Variants in MAPK8IP3 observed in about 807,000 individuals in gnomAD.
MAPK8IP3 encodes C-Jun-amino-terminal kinase-interacting protein 3.
Under a neutral mutation model 157.8 loss-of-function variants are expected in MAPK8IP3, and 49 were observed. The observed-to-expected ratio is 0.31, with a 90% confidence interval of 0.25 to 0.39. MAPK8IP3 has a LOEUF of 0.39. Ranked by LOEUF, MAPK8IP3 falls within the 10% of genes least tolerant of loss-of-function variation. The pLI, the probability that MAPK8IP3 is intolerant of heterozygous loss-of-function variation, is 1.00. For missense variants in MAPK8IP3, 1,478 were observed against 1,889.4 expected (o/e 0.78, Z 4.04); for synonymous variants, 897 against 777.7 (o/e 1.15, Z -2.55).
intron 1 of MAPK8IP3, among the ~76,000 whole-genome samples, chr16:1,709,852 A>G (rs17135500): frequency 0.11 from 17,500 of 152,186 alleles, 1,376 homozygotes; most frequent in African/African-American, 0.22. Context: ...TGACATGTGA[A>G]TATTAGTGGT....
rs763944126 is a variant in MAPK8IP3, at chr16:1,761,289, A to G, written c.1523A>G (p.Tyr508Cys). 3.1e-6 allele frequency: 5 copies of G among 1,613,386 alleles called. No homozygotes were observed. The East Asian group carries it at 6.7e-5, about 22-fold the overall frequency. Residue 508 changes from tyrosine to cysteine, a missense_variant, in exon 13 of 32, where the codon TAT (tyrosine) becomes TGT (cysteine). Around this residue, in one of 11 missense-constraint regions of MAPK8IP3, gnomAD observed 96 missense variants for 106.3 expected, o/e 0.90. Transcript: ENST00000610761. ...PKEEAEDVSS[Y>C]LCTESDKIPM... ...GAAGAGGCGGAGGATGTAAGCAGCTATCTCTGTACAGAATCGGTACATCCA... is the reference window on the plus strand; with the variant it reads ...GAAGAGGCGGAGGATGTAAGCAGCTGTCTCTGTACAGAATCGGTACATCCA...
At position 1,742,849 on chromosome 16, in the gene MAPK8IP3, G is replaced by A. The variant is rs1480126687; in HGVS notation, c.603-483G>A. ...GTTTAAAATTGAACTTAGGCCGGGC[G>A]CGGTGGCTCACGCCTGTAATCCCAG... On this transcript the variant is annotated intron_variant, in intron 4 of 31. Coordinates refer to ENST00000610761, the MANE Select transcript of MAPK8IP3 (RefSeq NM_001318852.2). This position sits in a 1 kb window ranked among gnomAD's most constrained non-coding sequence, Gnocchi z 5.0. Among the ~76,000 whole-genome samples the A allele has an allele frequency of 2.0e-5, 3 of 152,162 alleles. No homozygotes were observed. Among genetic ancestry groups the A allele is most frequent in the Admixed American group, 2.0e-4 (3 of 15,278 alleles).
chr16:1,706,387 G>A lies in MAPK8IP3; in HGVS notation c.48G>A (p.Gln16=), dbSNP rs2037387594. ...AGGGCGGCGGCGTGGTGGTGTACCAGGACGACTACTGCTCCGGCTCGGTGA... is the reference window on the plus strand; with the variant it reads ...AGGGCGGCGGCGTGGTGGTGTACCAAGACGACTACTGCTCCGGCTCGGTGA... The part of the protein sequence containing the change: ...MDEGGGVVVY[Q]DDYCSGSVMS... Residue 16 remains glutamine, a synonymous_variant, in exon 1 of 32, where the codon CAG becomes CAA. Coordinates refer to ENST00000610761, the MANE Select transcript of MAPK8IP3 (RefSeq NM_001318852.2). This position sits in a 1 kb window ranked among gnomAD's most constrained non-coding sequence, Gnocchi z 5.1. 4.3e-6 allele frequency: 7 copies of A among 1,612,266 alleles called. No homozygotes were observed. Among genetic ancestry groups the A allele is most frequent in the African/African-American group, 1.3e-5 (1 of 74,906 alleles).
chr16:1,727,625 G>A (rs917124367), intron 2 of MAPK8IP3, among the ~76,000 whole-genome samples: 4 of 152,118 alleles, frequency 2.6e-5, no homozygotes, highest in African/African-American at 9.7e-5. Flanking sequence ...TGCATGTGAG[G>A]TGCTGTATCT....
chr16:1,760,416 C>T lies in MAPK8IP3; in HGVS notation c.1341C>T (p.Ala447=). 2 of 1,613,782 alleles carry T rather than the reference C, an allele frequency of 1.2e-6. No individual in the cohort carries two copies. Among genetic ancestry groups the T allele is most frequent in the Non-Finnish European group, 1.7e-6 (2 of 1,179,788 alleles). The change falls in exon 12 of 32, where the codon GCC becomes GCT. Residue 447 remains alanine (A), a synonymous_variant. Coordinates refer to ENST00000610761, the MANE Select transcript of MAPK8IP3 (RefSeq NM_001318852.2). ...ATGTGGTGAAGAATGACCTGATTGC[C>T]AAGGTCGACCAGCTGTCCGGGGAGC... is the stretch of plus-strand genomic sequence containing the variant. ...ALNVVKNDLI[A]KVDQLSGEQE...
chr16:1,740,336 T>C (rs529427531), intron 4 of MAPK8IP3, among the ~76,000 whole-genome samples: 50 of 132,818 alleles, frequency 3.8e-4, no homozygotes, highest in African/African-American at 1.3e-3. Flanking sequence ...GTAGGCGTCC[T>C]TGTGAGCCTC....
intron 20 of MAPK8IP3, 91 bp from the exon 21 acceptor site, chr16:1,765,869 C>G: frequency 1.6e-6 from 2 of 1,235,508 alleles, no homozygotes; most frequent in Non-Finnish European, 2.3e-6. Context: ...GAAGGCCAGC[C>G]CCGGCTTCCT....
At chr16:1,738,853 GTGAGCGTC>G (rs2040340139) in intron 4 of MAPK8IP3, among the ~76,000 whole-genome samples, 1 of 99,322 alleles carries the variant, frequency 1.0e-5, no homozygotes, top group Admixed American at 9.0e-5. Flanking sequence ...GTGTGAGCGT[GTGAGCGTC>G]CGTGTGAGTG....
At chr16:1,716,426 T>C (rs1206907655) in intron 1 of MAPK8IP3, among the ~76,000 whole-genome samples, 1 of 151,044 alleles carries the variant, frequency 6.6e-6, no homozygotes, top group African/African-American at 2.4e-5. Context: ...GCCTCCTGAG[T>C]AGCTGGGATT....
At position 1,743,354 on chromosome 16, in the gene MAPK8IP3, C is replaced by A; in HGVS notation, c.625C>A (p.Leu209Met). The A allele has an allele frequency of 6.3e-7, 1 of 1,575,106 alleles. No individual in the cohort carries two copies. Among genetic ancestry groups the A allele is most frequent in the Non-Finnish European group, 8.6e-7 (1 of 1,164,316 alleles). The change falls in exon 5 of 32, where the codon CTG (leucine) becomes ATG (methionine). Residue 209 changes from leucine to methionine, a missense_variant. By Grantham distance (15) the Leu-to-Met change is conservative. Coordinates refer to ENST00000610761, the MANE Select transcript of MAPK8IP3 (RefSeq NM_001318852.2). This position sits in a 1 kb window ranked among gnomAD's most constrained non-coding sequence, Gnocchi z 5.6. Reference protein sequence around the residue: ...GRSRKERPTSLNVFPLADGTV... With the variant: ...GRSRKERPTSMNVFPLADGTV... The stretch of plus-strand genomic sequence containing the variant: ...CAGCAGGAAGGAGCGCCCCACCTCC[C>A]TGAACGTGTTCCCCCTGGCTGACGG...
At position 1,760,475 on chromosome 16, in the gene MAPK8IP3, A is replaced by G. The variant is rs941244410; in HGVS notation, c.1400A>G (p.Lys467Arg). The change falls in exon 12 of 32, where the codon AAG becomes AGG. Residue 467 changes from lysine to arginine, a missense_variant. By Grantham distance (26) the Lys-to-Arg change is conservative. Around this residue, in one of 11 missense-constraint regions of MAPK8IP3, gnomAD observed 96 missense variants for 106.3 expected, o/e 0.90. Coordinates refer to ENST00000610761, the MANE Select transcript of MAPK8IP3 (RefSeq NM_001318852.2). Reference protein sequence around the residue: ...EVLRGELEAAKQAKVKLENRI... With the variant: ...EVLRGELEAARQAKVKLENRI... ...CTGAGGGGCGAGTTGGAGGCTGCTA[A>G]GCAGGCCAAAGTCAAGCTGGAAAAC... 1 of 1,614,004 alleles carries G rather than the reference A, an allele frequency of 6.2e-7. No homozygotes were observed. The highest frequency in any genetic ancestry group is 8.5e-7 in the Non-Finnish European group (1 of 1,179,934).
At chr16:1,739,848 A>T (rs1174079666) in intron 4 of MAPK8IP3, among the ~76,000 whole-genome samples, 14 of 78,128 alleles carry the variant, frequency 1.8e-4, no homozygotes, top group Admixed American at 5.1e-4. Flanking sequence ...CCGTGTGAGC[A>T]TCCGTGTGAC....
At chr16:1,727,442 T>A (rs1201155191) in intron 2 of MAPK8IP3, among the ~76,000 whole-genome samples, 1 of 151,886 alleles carries the variant, frequency 6.6e-6, no homozygotes, top group Non-Finnish European at 1.5e-5. Flanking sequence ...ACGTGTCATG[T>A]CTGTAAGTCT....
chr16:1,713,316 C>G (rs949226099), intron 1 of MAPK8IP3, among the ~76,000 whole-genome samples: 1 of 152,116 alleles, frequency 6.6e-6, no homozygotes, highest in Non-Finnish European at 1.5e-5. Context: ...ACTTCTGGAC[C>G]GAAGCAATCC....
chr16:1,728,330 C>T (rs2039039958), intron 2 of MAPK8IP3, among the ~76,000 whole-genome samples: 1 of 152,206 alleles, frequency 6.6e-6, no homozygotes, highest in African/African-American at 2.4e-5. Context: ...GTGTGAGGGA[C>T]CTCGCTGCTT....
rs1455468000 is a variant in MAPK8IP3 at position 1,744,844 on chromosome 16, TTTTC to T, written c.747+1372_747+1375del. The T allele has an allele frequency of 1.2e-5, 12 of 978,036 alleles. No individual in the cohort carries two copies. The Admixed American group carries it at 3.7e-4, about 30-fold the overall frequency. The allele number at this position is 978,036 out of a possible 1,614,324, so 60.6% of individuals were successfully genotyped here. A position where few individuals can be genotyped will look rare whatever the true frequency, so the allele number is the denominator to read the frequency against. ...CGTTCATAGGAGTGTTTTATTTGAT[TTTTC>T]TTTATTTTAAATTATTACATTTAAG... is the stretch of plus-strand genomic sequence containing the variant. On this transcript the variant is annotated intron_variant, in intron 5 of 31. Transcript: ENST00000610761.
chr16:1,724,510 C>G lies in MAPK8IP3; in HGVS notation c.319-47C>G. 3.1e-6 allele frequency: 5 copies of G among 1,597,538 alleles called. 1 individual carries two copies. The South Asian group carries it at 4.4e-5, about 14-fold the overall frequency. ...GCCCTTCAAGTGAAAGGCGGCTGCT[C>G]CACACTCACTCCTGATGACTGCTCT... is the stretch of plus-strand genomic sequence containing the variant. On this transcript the variant is annotated intron_variant, in intron 1 of 31. Coordinates refer to ENST00000610761, the MANE Select transcript of MAPK8IP3 (RefSeq NM_001318852.2). This position sits in a 1 kb window ranked among gnomAD's most constrained non-coding sequence, Gnocchi z 4.1.
intron 4 of MAPK8IP3, among the ~76,000 whole-genome samples, chr16:1,739,382 GTGTGAGCATCCGTGTGACCGTCCA>G (rs1567172604): frequency 1.2e-4 from 18 of 144,520 alleles, no homozygotes; most frequent in Non-Finnish European, 2.3e-4. Context: ...GTGACCGTCC[GTGTGAGCATCCGTGTGACCGTCCA>G]TGTGAGCATC....
intron 5 of MAPK8IP3, chr16:1,746,664 G>T: frequency 4.0e-6 from 1 of 247,888 alleles, no homozygotes; most frequent in Non-Finnish European, 7.9e-6. Flanking sequence ...CCCTACCTGG[G>T]CTGGACTTGT....
Sources: gnomAD v4.1 joint callset for allele counts (sites outside exome capture counted in the v4.1 genomes callset) on GRCh38, gnomAD v4.1.1 for gene constraint, gnomAD v4.1.1 regional missense constraint, Gnocchi (gnomAD v3.1) non-coding constraint, MANE v1.5 for transcripts, NCBI Gene and HGNC (gene_info 2026-07-23, HGNC 2026-07-21) for gene names.